CTNNA2: variants seen among roughly 807,000 people sequenced by gnomAD.
CTNNA2 encodes catenin alpha-2.
In CTNNA2, 42 loss-of-function variants were observed where a neutral mutation model predicts 101.0. That is an observed-to-expected ratio of 0.42 (90% CI 0.32 to 0.54). The LOEUF (loss-of-function observed/expected upper bound fraction) is 0.54. Among genes scored for constraint, CTNNA2 ranks in the 20% least tolerant of loss-of-function variants. The pLI, the probability that CTNNA2 is intolerant of heterozygous loss-of-function variation, is 0.14. For synonymous variants in CTNNA2, 450 were observed against 456.4 expected, an observed-to-expected ratio of 0.99 and a Z score of 0.18; for missense variants, 871 against 1,223.1, an observed-to-expected ratio of 0.71 and a Z score of 4.29.
chr2:79,592,485 T>C (rs906699220), intron 1 of CTNNA2, among the ~76,000 whole-genome samples: 6 of 151,994 alleles, frequency 3.9e-5, no homozygotes, highest in Non-Finnish European at 1.5e-5. Context: ...TGTGGGAAAA[T>C]TTCTTCATTT....
At chr2:79,319,359 C>A (rs1006991588) in intron 3 of CTNNA2, among the ~76,000 whole-genome samples, 6 of 152,150 alleles carry the variant, frequency 3.9e-5, no homozygotes, top group African/African-American at 1.2e-4. Flanking sequence ...ATTGGCCAAA[C>A]ACACCTGATT....
chr2:79,280,147 G>A (rs1675324678), intron 2 of CTNNA2, among the ~76,000 whole-genome samples: 1 of 152,062 alleles, frequency 6.6e-6, no homozygotes, highest in Non-Finnish European at 1.5e-5. Flanking sequence ...GGATACGGAG[G>A]TTCACCATTG....
chr2:79,460,982 C>T (rs1374607048), intron 4 of CTNNA2, among the ~76,000 whole-genome samples: 6 of 152,160 alleles, frequency 3.9e-5, no homozygotes, highest in African/African-American at 1.4e-4. Flanking sequence ...GCTGGGATTA[C>T]AGGCATATGC....
At chr2:79,326,329 A>G (rs999784699) in intron 3 of CTNNA2, among the ~76,000 whole-genome samples, 3 of 151,854 alleles carry the variant, frequency 2.0e-5, no homozygotes, top group African/African-American at 7.3e-5. Context: ...ACATCTAGAG[A>G]TAAGAGTAGG....
intron 9 of CTNNA2, among the ~76,000 whole-genome samples, chr2:80,516,952 G>T (rs143544825): frequency 2.0e-4 from 31 of 152,284 alleles, no homozygotes; most frequent in African/African-American, 6.7e-4. Flanking sequence ...TGAGGGGTAA[G>T]TTAAGTTTTG....
chr2:80,436,617 C>T (rs1326562359), intron 9 of CTNNA2, among the ~76,000 whole-genome samples: 1 of 152,086 alleles, frequency 6.6e-6, no homozygotes, highest in Admixed American at 6.5e-5. Context: ...AATTTATAAA[C>T]AGAAGAAACT....
chr2:79,673,929 T>C (rs904865913), intron 2 of CTNNA2, among the ~76,000 whole-genome samples: 1 of 152,226 alleles, frequency 6.6e-6, no homozygotes, highest in Admixed American at 6.5e-5. Flanking sequence ...ACACTAATTA[T>C]TGAACTTCAA....
chr2:79,596,781 C>G (rs1677217780), intron 1 of CTNNA2, among the ~76,000 whole-genome samples: 1 of 152,222 alleles, frequency 6.6e-6, no homozygotes, highest in African/African-American at 2.4e-5. Context: ...GTAATTTGCC[C>G]TTAGCTGTAT....
At chr2:80,575,438 T>A (rs1477781294) in intron 13 of CTNNA2, among the ~76,000 whole-genome samples, 2 of 152,120 alleles carry the variant, frequency 1.3e-5, no homozygotes, top group Non-Finnish European at 2.9e-5. Flanking sequence ...TGTGCGTGTA[T>A]GTGTGTGTAA....
chr2:80,306,426 T>TTC (rs1469466225), intron 7 of CTNNA2, among the ~76,000 whole-genome samples: 2 of 148,342 alleles, frequency 1.3e-5, no homozygotes, highest in Admixed American at 6.9e-5. Flanking sequence ...CTTTCTTTCT[T>TTC]TCTTTCTTTC....
At chr2:80,554,082 T>A (rs1387031524) in intron 11 of CTNNA2, among the ~76,000 whole-genome samples, 1 of 152,190 alleles carries the variant, frequency 6.6e-6, no homozygotes, top group Non-Finnish European at 1.5e-5. Flanking sequence ...GAAATCACAC[T>A]GTATGAGGTC....
chr2:79,453,242 A>G (rs1267533559), intron 4 of CTNNA2, among the ~76,000 whole-genome samples: 3 of 152,196 alleles, frequency 2.0e-5, no homozygotes, highest in African/African-American at 7.2e-5. Context: ...ATTACTTAGT[A>G]GAAAATTGAT....
intron 7 of CTNNA2, among the ~76,000 whole-genome samples, chr2:80,007,419 C>T (rs1693451914): frequency 6.6e-6 from 1 of 151,944 alleles, no homozygotes; most frequent in Non-Finnish European, 1.5e-5. Flanking sequence ...AGTTTACATG[C>T]TTTACTTTAA....
chr2:79,340,605 G>A (rs546872143), intron 3 of CTNNA2, among the ~76,000 whole-genome samples: 6 of 152,178 alleles, frequency 3.9e-5, no homozygotes, highest in South Asian at 4.1e-4. Flanking sequence ...AGGCCAAGGC[G>A]GGCGGATCAC....
intron 2 of CTNNA2, among the ~76,000 whole-genome samples, chr2:79,223,762 T>C (rs750294655): frequency 6.6e-6 from 1 of 152,140 alleles, no homozygotes; most frequent in Non-Finnish European, 1.5e-5. Context: ...TCAACCAAAA[T>C]CCCTAATGCA....
At chr2:79,747,471 G>A (rs149362485) in intron 3 of CTNNA2, among the ~76,000 whole-genome samples, 143 of 152,260 alleles carry the variant, frequency 9.4e-4, no homozygotes, top group African/African-American at 3.4e-3. Context: ...GATAGCAAAG[G>A]TATTCATAGT....
intron 3 of CTNNA2, among the ~76,000 whole-genome samples, chr2:79,797,660 T>TAAA (rs10630216): frequency 0.12 from 14,458 of 121,660 alleles, 960 homozygotes; most frequent in Admixed American, 0.16. Context: ...GACTCTGTCT[T>TAAA]AAAAAAAAAA....
intron 7 of CTNNA2, among the ~76,000 whole-genome samples, chr2:80,371,631 G>C (rs1486341826): frequency 6.6e-6 from 1 of 151,832 alleles, no homozygotes; most frequent in African/African-American, 2.4e-5. Flanking sequence ...AGAATGGGGA[G>C]CATTGTAGAT....
chr2:79,325,425 TTTTCTTCAAATAGCATTTCGGGA>T (rs1376245922), intron 3 of CTNNA2, among the ~76,000 whole-genome samples: 1 of 152,322 alleles, frequency 6.6e-6, no homozygotes, highest in Non-Finnish European at 1.5e-5. Context: ...GTTTTCATTG[TTTTCTTCAAATAGCATTTCGGGA>T]TTTCTTCAAA....
Sources: allele counts gnomAD v4.1 joint callset (sites outside exome capture counted in the v4.1 genomes callset), GRCh38; gene constraint gnomAD v4.1.1; transcripts MANE v1.5; gene names NCBI Gene and HGNC (gene_info 2026-07-23, HGNC 2026-07-21).